Variants in RCAN2 observed in about 807,000 individuals in gnomAD.
The protein encoded by RCAN2 is calcipressin-2.
Under a neutral mutation model 23.6 loss-of-function variants are expected in RCAN2, and 9 were observed. That is an observed-to-expected ratio of 0.38 (90% CI 0.23 to 0.67). RCAN2 has a LOEUF of 0.67. RCAN2 is among the 30% of genes least tolerant of loss of function. RCAN2 has a pLI of 0.51. For missense variants in RCAN2, 273 were observed against 302.3 expected (o/e 0.90, Z 0.72); for synonymous variants, 109 against 115.7 (o/e 0.94, Z 0.37).
chr6:46,251,640 T>C (rs1766725551), intron 2 of RCAN2, among the ~76,000 whole-genome samples: 1 of 152,092 alleles, frequency 6.6e-6, no homozygotes, highest in African/African-American at 2.4e-5. Flanking sequence ...TTTTTATGCT[T>C]CACATCTCAG....
chr6:46,444,800 C>T (rs370064788), intron 2 of RCAN2, among the ~76,000 whole-genome samples: 1 of 152,166 alleles, frequency 6.6e-6, no homozygotes, highest in African/African-American at 2.4e-5. Flanking sequence ...CAGAGCTAGG[C>T]TCCAGGACCA....
chr6:46,436,021 A>T (rs573455574), intron 2 of RCAN2, among the ~76,000 whole-genome samples: 4 of 152,310 alleles, frequency 2.6e-5, no homozygotes, highest in Admixed American at 2.6e-4. Flanking sequence ...TAGAAAATGC[A>T]CTTTCTTCTG....
intron 2 of RCAN2, among the ~76,000 whole-genome samples, chr6:46,427,939 C>G (rs1561901589): frequency 6.6e-6 from 1 of 152,198 alleles, no homozygotes; most frequent in Non-Finnish European, 1.5e-5. Flanking sequence ...CACATTTCAG[C>G]TACAGGATGA....
intron 4 of RCAN2, among the ~76,000 whole-genome samples, chr6:46,224,182 C>T (rs184783749): frequency 1.3e-5 from 2 of 152,168 alleles, no homozygotes; most frequent in African/African-American, 2.4e-5. Flanking sequence ...AAAAGACAAG[C>T]GGAAGGACTC....
At position 46,376,126 on chromosome 6, in the gene RCAN2, C is replaced by T. The variant is rs565577352; in HGVS notation, c.225+80626G>A. Among the ~76,000 whole-genome samples, 12 of 152,314 alleles carry T rather than the reference C, an allele frequency of 7.9e-5. No individual in the cohort carries two copies. The East Asian group carries it at 1.5e-3, about 20-fold the overall frequency. On this transcript the variant is annotated intron_variant, in intron 2 of 4. Transcript: ENST00000371374. ...GTTATATTCCAGACAAGGTACACAA[C>T]GCAGTCAGCTCTGATTGTTATTATT...
rs554576086 is a variant in RCAN2 at position 46,402,660 on chromosome 6, G to A, written c.225+54092C>T. ...ACACTGCTCAGACAGGTCAAGAGGA[G>A]TCTTCTAGACAGACAAGCCCTGCTG... On this transcript the variant is annotated intron_variant, in intron 2 of 4. Coordinates refer to ENST00000371374, the MANE Select transcript of RCAN2 (RefSeq NM_001251974.2). Among the ~76,000 whole-genome samples, 15 of 152,288 alleles carry A rather than the reference G, an allele frequency of 9.8e-5. No homozygotes were observed. The South Asian group carries it at 2.9e-3, about 29-fold the overall frequency.
At chr6:46,426,724 T>A (rs1266831092) in intron 2 of RCAN2, among the ~76,000 whole-genome samples, 1 of 152,214 alleles carries the variant, frequency 6.6e-6, no homozygotes, top group African/African-American at 2.4e-5. Flanking sequence ...ACTGAACATC[T>A]ACTGTGTAAA....
chr6:46,348,349 A>G (rs1251351863), intron 2 of RCAN2, among the ~76,000 whole-genome samples: 1 of 152,228 alleles, frequency 6.6e-6, no homozygotes, highest in Non-Finnish European at 1.5e-5. Context: ...GTAAAGGGAA[A>G]TAAGAATCCT....
chr6:46,328,300 T>A (rs918747549), intron 2 of RCAN2, among the ~76,000 whole-genome samples: 1 of 152,212 alleles, frequency 6.6e-6, no homozygotes, highest in Non-Finnish European at 1.5e-5. Flanking sequence ...TGTCAACTCA[T>A]CTGTATAAGC....
intron 2 of RCAN2, among the ~76,000 whole-genome samples, chr6:46,285,079 A>T (rs866513289): frequency 3.3e-5 from 5 of 152,328 alleles, no homozygotes; most frequent in Middle Eastern, 3.4e-3. Flanking sequence ...CTCAAATATT[A>T]GTTCACTAAT....
chr6:46,362,024 C>T (rs1020190960), intron 2 of RCAN2, among the ~76,000 whole-genome samples: 10 of 152,108 alleles, frequency 6.6e-5, no homozygotes, highest in African/African-American at 2.4e-4. Flanking sequence ...TTATTCAAGT[C>T]TTGGAATTTG....
intron 1 of RCAN2, among the ~76,000 whole-genome samples, chr6:46,458,458 C>G (rs143823949): frequency 6.6e-6 from 1 of 152,040 alleles, no homozygotes; most frequent in Non-Finnish European, 1.5e-5. Context: ...GAGGTGATAT[C>G]TCTAAAATCA....
At chr6:46,388,420 C>G (rs547955374) in intron 2 of RCAN2, among the ~76,000 whole-genome samples, 1 of 152,188 alleles carries the variant, frequency 6.6e-6, no homozygotes, top group South Asian at 2.1e-4. Flanking sequence ...ACCAGAAATA[C>G]CATTTGACCC....
chr6:46,468,874 T>G (rs1768470501), intron 1 of RCAN2: 11 of 984,534 alleles, frequency 1.1e-5, no homozygotes, highest in Non-Finnish European at 1.3e-5. Context: ...CTGTGTTAAA[T>G]CCGGAAGGCT....
intron 2 of RCAN2, among the ~76,000 whole-genome samples, chr6:46,375,759 T>C (rs973541661): frequency 1.3e-5 from 2 of 152,200 alleles, no homozygotes; most frequent in Non-Finnish European, 2.9e-5. Context: ...CCATGGACAA[T>C]ATATAAAAGA....
intron 2 of RCAN2, among the ~76,000 whole-genome samples, chr6:46,413,078 G>A (rs2150408679): frequency 6.6e-6 from 1 of 152,234 alleles, no homozygotes; most frequent in African/African-American, 2.4e-5. Flanking sequence ...GAATAAGCTG[G>A]GTAGCACTGT....
intron 2 of RCAN2, among the ~76,000 whole-genome samples, chr6:46,426,314 A>T (rs998691207): frequency 1.3e-5 from 2 of 152,218 alleles, no homozygotes; most frequent in African/African-American, 2.4e-5. Flanking sequence ...CATAGATAAA[A>T]TGATTTCACA....
chr6:46,254,969 C>T (rs1396883779), intron 2 of RCAN2, among the ~76,000 whole-genome samples: 1 of 152,146 alleles, frequency 6.6e-6, no homozygotes, highest in African/African-American at 2.4e-5. Context: ...AAAGGATTCT[C>T]CTATGGGATC....
At chr6:46,344,529 G>A (rs1402525287) in intron 2 of RCAN2, among the ~76,000 whole-genome samples, 1 of 152,018 alleles carries the variant, frequency 6.6e-6, no homozygotes, top group Non-Finnish European at 1.5e-5. Flanking sequence ...TACAGCATAT[G>A]TAGAAATAAA....
Sources: gnomAD v4.1 joint callset for allele counts (sites outside exome capture counted in the v4.1 genomes callset) on GRCh38, gnomAD v4.1.1 for gene constraint, MANE v1.5 for transcripts, NCBI Gene and HGNC (gene_info 2026-07-23, HGNC 2026-07-21) for gene names.